The following GNB5 variants were observed in gnomAD, a reference collection of about 807,000 sequenced individuals.
The protein encoded by GNB5 is G protein subunit beta 5, also known as guanine nucleotide-binding protein subunit beta-5.
A neutral mutation model predicts 55.3 loss-of-function variants in GNB5; 37 were observed. The observed-to-expected ratio is 0.67, with a 90% CI of 0.51 to 0.88. The LOEUF (loss-of-function observed/expected upper bound fraction) is 0.88. Ranked by LOEUF, GNB5 falls within the 40% of genes least tolerant of loss-of-function variation. The pLI, the probability that GNB5 is intolerant of heterozygous loss-of-function variation, is 0.00. For missense variants in GNB5, 476 were observed against 515.3 expected, an observed-to-expected ratio of 0.92 and a Z score of 0.74; for synonymous variants, 219 against 198.5, an observed-to-expected ratio of 1.10 and a Z score of -0.87.
chr15:52,129,583 T>G (rs184928096), intron 9 of GNB5, among the ~76,000 whole-genome samples: 85 of 152,298 alleles, frequency 5.6e-4, no homozygotes, highest in East Asian at 1.9e-4. Flanking sequence ...TCAAAATGAT[T>G]TCTAGATTAA....
chr15:52,131,451 T>C (rs2033572281), intron 9 of GNB5, among the ~76,000 whole-genome samples: 1 of 152,220 alleles, frequency 6.6e-6, no homozygotes, highest in African/African-American at 2.4e-5. Context: ...GAGAAAATAC[T>C]ACATCATTTT....
Position 52,117,102 on chromosome 15 carries a change from A to ATATATATATATTTTTTTTT in GNB5, c.*5654_*5655insAAAAAAAAATATATATATA. 3 of 87,100 alleles carry ATATATATATATTTTTTTTT rather than the reference A, an allele frequency of 3.4e-5. No homozygotes were observed. Among genetic ancestry groups the ATATATATATATTTTTTTTT allele is most frequent in the African/African-American group, 1.8e-4 (3 of 16,418 alleles). 5.4% of individuals were successfully genotyped at this position (87,100 alleles called of 1,614,324 possible). On this transcript the variant is annotated 3_prime_UTR_variant, in exon 13 of 13. Coordinates refer to ENST00000261837, the MANE Select transcript of GNB5 (RefSeq NM_016194.4). ...CCACGCCCAGCTAATATATATATAT[A>ATATATATATATTTTTTTTT]TTTTTTTTTAGTACAGACAGGGTTT... is the stretch of plus-strand genomic sequence containing the variant.
Position 52,153,471 on chromosome 15 carries a change from G to A in GNB5, c.375+469C>T, listed in dbSNP as rs192560138. 2.6e-3 allele frequency among the ~76,000 whole-genome samples: 400 copies of A among 152,116 alleles called. 4 individuals carry two copies. Among genetic ancestry groups the A allele is most frequent in the Middle Eastern group, 0.014 (4 of 294 alleles). ...TGCTAAATTTGGGGGTAATTTTTTG[G>A]AGGAATAGATAACTAATAAATAATA... On this transcript the variant is annotated intron_variant, in intron 4 of 12. Coordinates refer to ENST00000261837, the MANE Select transcript of GNB5 (RefSeq NM_016194.4).
At chr15:52,173,220 G>T (rs2034586940) in intron 3 of GNB5, among the ~76,000 whole-genome samples, 1 of 152,180 alleles carries the variant, frequency 6.6e-6, no homozygotes, top group Non-Finnish European at 1.5e-5. Context: ...ATGAAAGGGA[G>T]CTGAAATTGT....
rs1266283712 is a variant in GNB5, at chr15:52,184,586, G to C, written c.91C>G (p.Gln31Glu). The C allele has an allele frequency of 6.2e-7, 1 of 1,613,320 alleles. No individual in the cohort carries two copies. The highest frequency in any genetic ancestry group is 8.5e-7 in the Non-Finnish European group (1 of 1,179,264). ...CATGTTGAACAGTAGCTGAGTTGTT[G>C]AGACTTCTTGAAAACTGGTCTCAGA... The part of the protein sequence containing the change: ...RALRPVFKKS[Q>E]QLSYCSTCAE... Residue 31 changes from glutamine to glutamate, a missense_variant, in exon 2 of 13, where the codon CAA becomes GAA. Physicochemically the swap from Gln to Glu is conservative, Grantham distance 29. Transcript: ENST00000261837.
At chr15:52,159,039 T>A (rs2034275868) in intron 3 of GNB5, among the ~76,000 whole-genome samples, 1 of 151,792 alleles carries the variant, frequency 6.6e-6, no homozygotes, top group Admixed American at 6.6e-5. Context: ...TGAGAGGAGG[T>A]CCTAGGTGGG....
At chr15:52,169,667 A>G in intron 3 of GNB5, among the ~76,000 whole-genome samples, 1 of 152,020 alleles carries the variant, frequency 6.6e-6, no homozygotes, top group East Asian at 1.9e-4. Context: ...TGGGCCAAAG[A>G]TTTCATGACA....
chr15:52,136,567 G>A (rs2033729250), intron 7 of GNB5, among the ~76,000 whole-genome samples: 1 of 152,168 alleles, frequency 6.6e-6, no homozygotes, highest in African/African-American at 2.4e-5. Flanking sequence ...GAGCAGCAGG[G>A]GTCTAGGCAG....
intron 3 of GNB5, among the ~76,000 whole-genome samples, chr15:52,166,931 C>T (rs1352486476): frequency 6.6e-6 from 1 of 151,644 alleles, no homozygotes; most frequent in East Asian, 1.9e-4. Flanking sequence ...ATAGATAGAC[C>T]ACTAGATAGA....
rs977627428 is a variant in GNB5 at position 52,117,102 on chromosome 15, A to ATTTTTTTTTTTTTTTTTTTTTTTT, written c.*5654_*5655insAAAAAAAAAAAAAAAAAAAAAAAA. ...CCACGCCCAGCTAATATATATATATATTTTTTTTTAGTACAGACAGGGTTT... is the reference window on the plus strand; with the variant it reads ...CCACGCCCAGCTAATATATATATATATTTTTTTTTTTTTTTTTTTTTTTTTTTTTTTTTAGTACAGACAGGGTTT... On this transcript the variant is annotated 3_prime_UTR_variant, in exon 13 of 13. Coordinates refer to ENST00000261837, the MANE Select transcript of GNB5 (RefSeq NM_016194.4). The ATTTTTTTTTTTTTTTTTTTTTTTT allele has an allele frequency of 1.4e-4, 12 of 87,098 alleles. No homozygotes were observed. Among genetic ancestry groups the ATTTTTTTTTTTTTTTTTTTTTTTT allele is most frequent in the Non-Finnish European group, 2.2e-4 (10 of 46,202 alleles). 5.4% of individuals were successfully genotyped at this position (87,098 alleles called of 1,614,324 possible).
chr15:52,178,659 G>C (rs1437450609), intron 3 of GNB5, among the ~76,000 whole-genome samples: 2 of 152,290 alleles, frequency 1.3e-5, no homozygotes, highest in East Asian at 3.9e-4. Flanking sequence ...GTGATTGCTG[G>C]ACAGGATTTC....
In GNB5 at chr15:52,122,778, C is replaced by G. The variant is rs762021903; in HGVS notation, c.1177-10G>C. Reference sequence around the variant, plus strand: ...ATGATTAGGCCCAGACCTGTGAAGACACAAACAGATAGTTTTTAGACCTTT... The same window carrying G: ...ATGATTAGGCCCAGACCTGTGAAGAGACAAACAGATAGTTTTTAGACCTTT... On this transcript the variant is annotated splice_polypyrimidine_tract_variant and intron_variant, in intron 12 of 12. Transcript: ENST00000261837. The G allele has an allele frequency of 6.2e-7, 1 of 1,602,034 alleles. No individual in the cohort carries two copies. The highest frequency in any genetic ancestry group is 8.6e-7 in the Non-Finnish European group (1 of 1,168,904).
At chr15:52,142,559 GTGT>G (rs2033880204) in intron 6 of GNB5, among the ~76,000 whole-genome samples, 1 of 146,044 alleles carries the variant, frequency 6.8e-6, no homozygotes, top group Non-Finnish European at 1.5e-5. Context: ...CAAGCCAGCT[GTGT>G]TTTTTTTTTT....
intron 3 of GNB5, among the ~76,000 whole-genome samples, chr15:52,168,024 A>G (rs572567914): frequency 8.5e-5 from 13 of 152,366 alleles, no homozygotes; most frequent in African/African-American, 3.1e-4. Flanking sequence ...AGAGCCATAT[A>G]TGACAAACCT....
At chr15:52,190,799 A>T (rs1444080119) in intron 1 of GNB5, among the ~76,000 whole-genome samples, 1 of 127,804 alleles carries the variant, frequency 7.8e-6, no homozygotes, top group African/African-American at 2.8e-5. Flanking sequence ...AAAAAAAAAA[A>T]AAAAAAAAAA....
At chr15:52,165,739 C>CAA (rs34798808) in intron 3 of GNB5, among the ~76,000 whole-genome samples, 33 of 150,820 alleles carry the variant, frequency 2.2e-4, no homozygotes, top group South Asian at 1.7e-3. Flanking sequence ...CAGCTACTAC[C>CAA]AAAAAAAAAC....
At chr15:52,189,627 A>T (rs534678999) in intron 1 of GNB5, among the ~76,000 whole-genome samples, 1 of 152,324 alleles carries the variant, frequency 6.6e-6, no homozygotes, top group African/African-American at 2.4e-5. Flanking sequence ...TGTACATACT[A>T]ATTTTCATGG....
intron 3 of GNB5, among the ~76,000 whole-genome samples, chr15:52,155,217 G>A (rs904844581): frequency 6.6e-6 from 1 of 152,228 alleles, no homozygotes; most frequent in African/African-American, 2.4e-5. Flanking sequence ...CATTTTCAGG[G>A]GGAAACAGCC....
chr15:52,124,790 A>T, intron 11 of GNB5, 151 bp from the exon 12 acceptor site: 1 of 648,222 alleles, frequency 1.5e-6, no homozygotes. Context: ...AAGGGGAGAA[A>T]GCACAGTCCC....
Sources: allele counts gnomAD v4.1 joint callset (sites outside exome capture counted in the v4.1 genomes callset), GRCh38; gene constraint gnomAD v4.1.1; transcripts MANE v1.5; gene names NCBI Gene and HGNC (gene_info 2026-07-23, HGNC 2026-07-21).